Variants in TSPAN18 observed in about 807,000 individuals in gnomAD.
TSPAN18 encodes the protein tetraspanin-18.
Under a neutral mutation model 27.3 loss-of-function variants are expected in TSPAN18, and 14 were observed. That is an observed-to-expected ratio of 0.51 (90% confidence interval 0.34 to 0.80). TSPAN18 has a LOEUF of 0.80. Among genes scored for constraint, TSPAN18 ranks in the 30% least tolerant of loss-of-function variants. TSPAN18 has a pLI of 0.01. For synonymous variants in TSPAN18, 143 were observed against 136.5 expected (o/e 1.05, Z -0.33); for missense variants, 268 against 323.9 (o/e 0.83, Z 1.32).
At chr11:44,881,391 T>TG (rs1858485302) in intron 3 of TSPAN18, among the ~76,000 whole-genome samples, 1 of 152,132 alleles carries the variant, frequency 6.6e-6, no homozygotes, top group Non-Finnish European at 1.5e-5. Context: ...CAGGAGCAGC[T>TG]GGGCAGCTGT....
At chr11:44,853,790 A>G (rs1857661171) in intron 2 of TSPAN18, among the ~76,000 whole-genome samples, 1 of 152,318 alleles carries the variant, frequency 6.6e-6, no homozygotes, top group Admixed American at 6.5e-5. Flanking sequence ...CCAGGGCTTC[A>G]CTTGGAAACT....
chr11:44,854,765 A>T (rs1857692818), intron 2 of TSPAN18, among the ~76,000 whole-genome samples: 2 of 152,136 alleles, frequency 1.3e-5, no homozygotes, highest in Admixed American at 1.3e-4. Context: ...TGTGATCTTG[A>T]GCAAGTCACT....
intron 1 of TSPAN18, among the ~76,000 whole-genome samples, chr11:44,743,899 G>A (rs1184164678): frequency 2.0e-5 from 3 of 152,224 alleles, no homozygotes; most frequent in Non-Finnish European, 4.4e-5. Context: ...GGTACATTTT[G>A]CTGAAAATGC....
intron 2 of TSPAN18, among the ~76,000 whole-genome samples, chr11:44,794,155 C>T (rs778778930): frequency 1.6e-4 from 25 of 152,274 alleles, no homozygotes; most frequent in South Asian, 1.0e-3. Flanking sequence ...TACCTCTGGA[C>T]GCTTGGCAAG....
rs80259731 is a variant in TSPAN18 at position 44,914,709 on chromosome 11, C to T, written c.259-3263C>T. ...CCAGCTTGGGCCGAGTACTGTTCCTCTCAGCCACAATCCGCTCTCAGTAAA... is the reference window on the plus strand; with the variant it reads ...CCAGCTTGGGCCGAGTACTGTTCCTTTCAGCCACAATCCGCTCTCAGTAAA... On this transcript the variant is annotated intron_variant, in intron 5 of 9. Transcript: ENST00000520358. 1.6e-3 allele frequency among the ~76,000 whole-genome samples: 239 copies of T among 152,318 alleles called. 10 individuals are homozygous for T. The East Asian group carries it at 0.038, about 24-fold the overall frequency.
At chr11:44,835,371 C>A (rs1393801220) in intron 2 of TSPAN18, among the ~76,000 whole-genome samples, 1 of 152,202 alleles carries the variant, frequency 6.6e-6, no homozygotes, top group Non-Finnish European at 1.5e-5. Context: ...GTTAGTAAGT[C>A]CCTTCTCAGA....
chr11:44,787,235 A>G (rs775635389), intron 2 of TSPAN18, among the ~76,000 whole-genome samples: 72 of 152,230 alleles, frequency 4.7e-4, no homozygotes, highest in Non-Finnish European at 9.8e-4. Flanking sequence ...TAATCCTCAC[A>G]TCAACCCTGT....
intron 2 of TSPAN18, among the ~76,000 whole-genome samples, chr11:44,774,657 C>T (rs1035059415): frequency 6.6e-6 from 1 of 152,136 alleles, no homozygotes; most frequent in South Asian, 2.1e-4. Context: ...TATTTCCCTC[C>T]CTTTCTTCTT....
intron 1 of TSPAN18, among the ~76,000 whole-genome samples, chr11:44,763,488 C>T (rs1486552943): frequency 2.0e-5 from 3 of 152,090 alleles, no homozygotes; most frequent in Non-Finnish European, 2.9e-5. Flanking sequence ...TTTTTACCAC[C>T]GGAGACTTTC....
rs1857153979 is a variant in TSPAN18 at position 44,831,558 on chromosome 11, C to T, written c.-152-28770C>T. Among the ~76,000 whole-genome samples, 3 of 152,220 alleles carry T rather than the reference C, an allele frequency of 2.0e-5. No individual in the cohort carries two copies. The South Asian group carries it at 6.2e-4, about 32-fold the overall frequency. ...ACTGTGCTTGTTTACACGGCCCCTT[C>T]ACCACTCCTAGGTCCTACTGGAGAA... On this transcript the variant is annotated intron_variant, in intron 2 of 9. Coordinates refer to ENST00000520358, the MANE Select transcript of TSPAN18 (RefSeq NM_130783.5).
chr11:44,740,115 C>T (rs1854896852), intron 1 of TSPAN18, among the ~76,000 whole-genome samples: 2 of 152,186 alleles, frequency 1.3e-5, no homozygotes, highest in Non-Finnish European at 2.9e-5. Flanking sequence ...GTCATGGTTG[C>T]CTGGCCCTCT....
intron 2 of TSPAN18, among the ~76,000 whole-genome samples, chr11:44,854,754 G>A (rs1270348282): frequency 1.3e-5 from 2 of 152,160 alleles, no homozygotes; most frequent in Admixed American, 6.5e-5. Flanking sequence ...TACCGTTGCT[G>A]TGTGATCTTG....
chr11:44,777,444 G>T (rs1855838405), intron 2 of TSPAN18, among the ~76,000 whole-genome samples: 1 of 152,164 alleles, frequency 6.6e-6, no homozygotes, highest in African/African-American at 2.4e-5. Flanking sequence ...ATGCCAAGCT[G>T]CTGCCTTGTT....
intron 1 of TSPAN18, among the ~76,000 whole-genome samples, chr11:44,758,017 G>T (rs1022681081): frequency 3.2e-4 from 49 of 152,078 alleles, no homozygotes; most frequent in African/African-American, 1.2e-3. Flanking sequence ...TGGGCTTTTA[G>T]TGTCATATCC....
At chr11:44,887,268 G>A (rs1858687055) in intron 3 of TSPAN18, among the ~76,000 whole-genome samples, 1 of 152,202 alleles carries the variant, frequency 6.6e-6, no homozygotes, top group South Asian at 2.1e-4. Flanking sequence ...TAAGATGGGG[G>A]TGGCAATGCC....
chr11:44,759,348 T>C (rs1445125476), intron 1 of TSPAN18, among the ~76,000 whole-genome samples: 1 of 152,164 alleles, frequency 6.6e-6, no homozygotes, highest in African/African-American at 2.4e-5. Context: ...TAGGGGGTGA[T>C]GGTGTTTGAC....
chr11:44,732,570 G>T (rs1034454250), intron 1 of TSPAN18, among the ~76,000 whole-genome samples: 9 of 152,030 alleles, frequency 5.9e-5, no homozygotes, highest in African/African-American at 1.9e-4. Context: ...TGATAATCTC[G>T]CAGGCTCAGG....
rs1855557963 is a variant in TSPAN18, at chr11:44,765,904, G to T, written c.-153+1392G>T. Among the ~76,000 whole-genome samples the T allele has an allele frequency of 2.0e-5, 3 of 152,226 alleles. No homozygotes were observed. The East Asian group carries it at 5.8e-4, about 29-fold the overall frequency. ...CTTGATTTTCTGATCTCTAAAATGG[G>T]ACAGTGACACCTACTCACAGGTTGC... On this transcript the variant is annotated intron_variant, in intron 2 of 9. Transcript: ENST00000520358.
chr11:44,916,423 C>A (rs1859911414), intron 5 of TSPAN18, among the ~76,000 whole-genome samples: 1 of 152,200 alleles, frequency 6.6e-6, no homozygotes, highest in South Asian at 2.1e-4. Flanking sequence ...AGGAGCCGGG[C>A]CTCGGAGGCC....
Sources: gnomAD v4.1 joint callset for allele counts (sites outside exome capture counted in the v4.1 genomes callset) on GRCh38, gnomAD v4.1.1 for gene constraint, MANE v1.5 for transcripts, NCBI Gene and HGNC (gene_info 2026-07-23, HGNC 2026-07-21) for gene names.